The following RHOU variants were observed in gnomAD, a reference collection of about 807,000 sequenced individuals.
The protein encoded by RHOU is ras homolog family member U, also known as rho-related GTP-binding protein RhoU.
RHOU carries 8 observed loss-of-function variants against 12.6 expected under a neutral mutation model. The observed-to-expected ratio is 0.64, with a 90% CI of 0.37 to 1.15. The LOEUF (loss-of-function observed/expected upper bound fraction) is 1.15. Ranked by LOEUF, RHOU falls within the 50% of genes most tolerant of loss-of-function variation. The pLI is 0.01. For missense variants in RHOU, 258 were observed against 347.0 expected (o/e 0.74, Z 2.04); for synonymous variants, 161 against 147.4 (o/e 1.09, Z -0.67).
the RHOU span, among the ~76,000 whole-genome samples, chr1:228,698,210 TG>T: frequency 6.6e-6 from 1 of 152,194 alleles, no homozygotes; most frequent in African/African-American, 2.4e-5. Context: ...GAGAATACAG[TG>T]TACCAGAGAG....
Position 228,745,595 on chromosome 1 carries a change from A to G in RHOU, c.*1855A>G, listed in dbSNP as rs903563148. On this transcript the variant is annotated 3_prime_UTR_variant, in exon 3 of 3. Coordinates refer to ENST00000366691, the MANE Select transcript of RHOU (RefSeq NM_021205.6). The stretch of plus-strand genomic sequence containing the variant: ...CATAGACTGATTGATTATTCAACAC[A>G]TTGGAATTGATGTCGGTCATAGTTT... 1 of 152,236 alleles carries G rather than the reference A, an allele frequency of 6.6e-6. No homozygotes were observed. The highest frequency in any genetic ancestry group is 1.5e-5 in the Non-Finnish European group (1 of 68,036). 9.4% of individuals were successfully genotyped at this position (152,236 alleles called of 1,614,324 possible).
the RHOU span, among the ~76,000 whole-genome samples, chr1:228,663,696 G>A: frequency 8.3e-6 from 1 of 120,496 alleles, no homozygotes; most frequent in African/African-American, 3.2e-5. Context: ...GCAGTGGCAT[G>A]ATCTCAACTC....
the RHOU span, among the ~76,000 whole-genome samples, chr1:228,658,755 C>T: frequency 1.3e-5 from 2 of 152,288 alleles, no homozygotes; most frequent in Non-Finnish European, 2.9e-5. Context: ...AAAATCCACA[C>T]AGAGTCAAGT....
chr1:228,667,851 A>G, the RHOU span, among the ~76,000 whole-genome samples: 1 of 152,238 alleles, frequency 6.6e-6, no homozygotes, highest in South Asian at 2.1e-4. Context: ...ATATTGTCAT[A>G]TAATAAAAAA....
At chr1:228,711,192 A>T in the RHOU span, among the ~76,000 whole-genome samples, 2 of 151,984 alleles carry the variant, frequency 1.3e-5, no homozygotes, top group African/African-American at 4.8e-5. Context: ...TTCCATGCTC[A>T]TGGGTAGGAA....
chr1:228,692,352 T>A, the RHOU span, among the ~76,000 whole-genome samples: 1 of 152,194 alleles, frequency 6.6e-6, no homozygotes, highest in African/African-American at 2.4e-5. Flanking sequence ...CTTTATGAAA[T>A]CTTTTATTTT....
chr1:228,685,831 T>G, the RHOU span, among the ~76,000 whole-genome samples: 7 of 152,206 alleles, frequency 4.6e-5, no homozygotes, highest in African/African-American at 1.7e-4. Flanking sequence ...CAGAACTTTT[T>G]TGTCTACCGA....
the RHOU span, chr1:228,647,840 G>A: frequency 6.6e-6 from 1 of 152,320 alleles, no homozygotes; most frequent in South Asian, 2.1e-4. Context: ...TGAAAAGAGG[G>A]AGCAGATTTA....
rs1410249794 is a variant in RHOU at position 228,738,535 on chromosome 1, G to A, written c.321+804G>A. On this transcript the variant is annotated intron_variant, in intron 2 of 2. Transcript: ENST00000366691. This position sits in a 1 kb window ranked among gnomAD's most constrained non-coding sequence, Gnocchi z 4.2. ...TTCAGCAAAGTTCCGGGGGTACTTTGTAGGCAGGTGAAAGTGCCCCCTTCA... is the reference window on the plus strand; with the variant it reads ...TTCAGCAAAGTTCCGGGGGTACTTTATAGGCAGGTGAAAGTGCCCCCTTCA... 6.6e-6 allele frequency among the ~76,000 whole-genome samples: 1 copy of A among 152,140 alleles called. No individual in the cohort carries two copies. The highest frequency in any genetic ancestry group is 2.4e-5 in the African/African-American group (1 of 41,412).
chr1:228,699,822 A>G, the RHOU span, among the ~76,000 whole-genome samples: 17 of 152,142 alleles, frequency 1.1e-4, no homozygotes, highest in African/African-American at 3.6e-4. Flanking sequence ...GTTTTCTTGC[A>G]TGGGAAAGCT....
At chr1:228,679,620 T>C in the RHOU span, among the ~76,000 whole-genome samples, 1 of 151,718 alleles carries the variant, frequency 6.6e-6, no homozygotes, top group Non-Finnish European at 1.5e-5. Flanking sequence ...ACAGGTAAAA[T>C]GGGGGAATTG....
At chr1:228,648,700 C>G in the RHOU span, among the ~76,000 whole-genome samples, 1 of 152,066 alleles carries the variant, frequency 6.6e-6, no homozygotes, top group Non-Finnish European at 1.5e-5. Context: ...ATTTCACATG[C>G]TTTTACTTTT....
In RHOU at chr1:228,735,988, C is replaced by T. The variant is rs1571887937; in HGVS notation, c.246C>T (p.Ala82=). 6.3e-7 allele frequency: 1 copy of T among 1,580,070 alleles called. No individual in the cohort carries two copies. Among genetic ancestry groups the T allele is most frequent in the Non-Finnish European group, 8.6e-7 (1 of 1,169,334 alleles). The part of the protein sequence containing the change: ...NGYPTEYIPT[A]FDNFSAVVSV... ...ACCCCACCGAGTACATCCCTACTGC[C>T]TTCGACAACTTCTCCGGTGAGCTGG... Residue 82 remains alanine, a synonymous_variant, in exon 1 of 3, where the codon GCC becomes GCT. Coordinates refer to ENST00000366691, the MANE Select transcript of RHOU (RefSeq NM_021205.6). This position sits in a 1 kb window ranked among gnomAD's most constrained non-coding sequence, Gnocchi z 8.1.
At position 228,743,192 on chromosome 1, in the gene RHOU, C is replaced by CT; in HGVS notation, c.322-92dup. The CT allele has an allele frequency of 8.6e-7, 1 of 1,162,334 alleles. No homozygotes were observed. The highest frequency in any genetic ancestry group is 1.3e-6 in the Non-Finnish European group (1 of 795,532). 72.0% of individuals were successfully genotyped at this position (1,162,334 alleles called of 1,614,324 possible). ...CTAGAACCAGCGGGTCTTCTATCAC[C>CT]TGCCAGACCCTTTCATGAAAAATGT... On this transcript the variant is annotated intron_variant, in intron 2 of 2. Coordinates refer to ENST00000366691, the MANE Select transcript of RHOU (RefSeq NM_021205.6). This position sits in a 1 kb window ranked among gnomAD's most constrained non-coding sequence, Gnocchi z 5.1.
the RHOU span, among the ~76,000 whole-genome samples, chr1:228,667,136 A>G: frequency 1.3e-5 from 2 of 152,192 alleles, no homozygotes; most frequent in African/African-American, 4.8e-5. Context: ...CACCTGAGAG[A>G]TATGTTTTAA....
rs1418177611 is a variant in RHOU, at chr1:228,737,807, T to C, written c.321+76T>C. 5 of 1,477,342 alleles carry C rather than the reference T, an allele frequency of 3.4e-6. No homozygotes were observed. Among genetic ancestry groups the C allele is most frequent in the Admixed American group, 3.4e-5 (2 of 58,912 alleles). 91.5% of individuals were successfully genotyped at this position (1,477,342 alleles called of 1,614,324 possible). A position where few individuals can be genotyped will look rare whatever the true frequency, so the allele number is the denominator to read the frequency against. On this transcript the variant is annotated intron_variant, in intron 2 of 2. Coordinates refer to ENST00000366691, the MANE Select transcript of RHOU (RefSeq NM_021205.6). The surrounding 1 kb of genome is among the most constrained non-coding windows in gnomAD (Gnocchi z 4.1). Reference sequence around the variant, plus strand: ...GATTTCCAAATAACCTTTGATTCCCTCAGTCAGTAACTGGGTCATTCTAAA... The same window carrying C: ...GATTTCCAAATAACCTTTGATTCCCCCAGTCAGTAACTGGGTCATTCTAAA...
the RHOU span, among the ~76,000 whole-genome samples, chr1:228,681,709 TA>T: frequency 6.6e-6 from 1 of 151,904 alleles, no homozygotes; most frequent in African/African-American, 2.4e-5. Flanking sequence ...GAGAAGAAAA[TA>T]AGATGCTTAG....
chr1:228,659,002 A>C, the RHOU span, among the ~76,000 whole-genome samples: 1 of 152,196 alleles, frequency 6.6e-6, no homozygotes, highest in South Asian at 2.1e-4. Context: ...AAATGAAAAC[A>C]CAGTACAGCA....
At chr1:228,682,968 G>C in the RHOU span, among the ~76,000 whole-genome samples, 1 of 152,118 alleles carries the variant, frequency 6.6e-6, no homozygotes, top group Non-Finnish European at 1.5e-5. Context: ...TTTCTCAAAG[G>C]CAAAAGGCAG....
Sources: allele counts gnomAD v4.1 joint callset (sites outside exome capture counted in the v4.1 genomes callset), GRCh38; gene constraint gnomAD v4.1.1; non-coding constraint Gnocchi (gnomAD v3.1); transcripts MANE v1.5; gene names NCBI Gene and HGNC (gene_info 2026-07-23, HGNC 2026-07-21).